CYP21A2: variants seen among roughly 807,000 people sequenced by gnomAD.
CYP21A2 encodes the protein cytochrome P450 family 21 subfamily A member 2.
CYP21A2 carries 24 observed loss-of-function variants against 47.4 expected under a neutral mutation model. The ratio of observed to expected loss-of-function variants is 0.51; its 90% CI spans 0.37 to 0.71. The LOEUF is 0.71. Ranked by LOEUF, CYP21A2 falls within the 30% of genes least tolerant of loss-of-function variation. The pLI, the probability that CYP21A2 is intolerant of heterozygous loss-of-function variation, is 0.00. For missense variants in CYP21A2, 358 were observed against 643.2 expected (o/e 0.56, Z 4.80); for synonymous variants, 130 against 273.9 (o/e 0.47, Z 5.19).
At chr6:32,038,677 G>C (rs578064226) in intron 1 of CYP21A2, 45 bp from the exon 2 acceptor site, 4 of 1,527,198 alleles carry the variant, frequency 2.6e-6, no homozygotes, top group Admixed American at 3.8e-5. Flanking sequence ...CGGAGGTGAC[G>C]GAGAGGGTCC....
Position 32,040,597 on chromosome 6 carries a change from G to T in CYP21A2, c.1118+13G>T, listed in dbSNP as rs530916937. 6.2e-7 allele frequency: 1 copy of T among 1,612,406 alleles called. No individual in the cohort carries two copies. Among genetic ancestry groups the T allele is most frequent in the Non-Finnish European group, 8.5e-7 (1 of 1,179,458 alleles). On this transcript the variant is annotated intron_variant, in intron 8 of 9. Coordinates refer to ENST00000644719, the MANE Select transcript of CYP21A2 (RefSeq NM_000500.9). ...CACGGCCCAGCAGGTGACTCCCGAG[G>T]GTTGGGGATGAGTGAGGAAAGCCCG... is the stretch of plus-strand genomic sequence containing the variant.
chr6:32,039,495 C>G, intron 4 of CYP21A2, 38 bp downstream of exon 4: 1 of 1,571,734 alleles, frequency 6.4e-7, no homozygotes, highest in Non-Finnish European at 8.6e-7. Flanking sequence ...CCAGCCCCTC[C>G]CTGAGCCTCT....
intron 2 of CYP21A2, 110 bp from the exon 3 acceptor site, chr6:32,038,984 G>GC (rs1562755827): frequency 6.6e-6 from 6 of 914,156 alleles, no homozygotes; most frequent in Non-Finnish European, 8.8e-6. Flanking sequence ...GGAAGCTCTT[G>GC]GGGGGGCATA....
rs767421046 is a variant in CYP21A2 at position 32,041,102 on chromosome 6, A to T, written c.1456A>T (p.Met486Leu). 1.6e-5 allele frequency: 25 copies of T among 1,591,550 alleles called. No homozygotes were observed. The East Asian group carries it at 4.7e-4, about 30-fold the overall frequency. ...PFQVRLQPRG[M>L]GAHSPGQSQ ...CCAAGTGCGGCTGCAGCCCCGGGGG[A>T]TGGGGGCCCACAGCCCGGGCCAGAG... Residue 486 changes from methionine to leucine, a missense_variant, in exon 10 of 10, where the codon ATG becomes TTG. By Grantham distance (15) the Met-to-Leu change is conservative. Coordinates refer to ENST00000644719, the MANE Select transcript of CYP21A2 (RefSeq NM_000500.9).
At chr6:32,038,987 G>A in intron 2 of CYP21A2, 107 bp from the exon 3 acceptor site, 2 of 1,545,818 alleles carry the variant, frequency 1.3e-6, no homozygotes, top group Non-Finnish European at 8.7e-7. Context: ...AGCTCTTGGG[G>A]GGGCATATCT....
chr6:32,040,190 G>C lies in CYP21A2; in HGVS notation c.924G>C (p.Leu308Phe). ...ANTLSWAVVF[L>F]LHHPEIQQRL... ...CCCTCTCCTGGGCCGTGGTTTTTTT[G>C]CTTCACCACCCTGAGGTGCGTCCTG... The change falls in exon 7 of 10, where the codon TTG (leucine) becomes TTC (phenylalanine). Residue 308 changes from leucine to phenylalanine, a missense_variant. Transcript: ENST00000644719. 1 of 1,612,628 alleles carries C rather than the reference G, an allele frequency of 6.2e-7. No homozygotes were observed. The highest frequency in any genetic ancestry group is 8.5e-7 in the Non-Finnish European group (1 of 1,179,820).
chr6:32,040,532 C>G lies in CYP21A2; in HGVS notation c.1066C>G (p.Leu356Val). 6.2e-7 allele frequency: 1 copy of G among 1,613,694 alleles called. No individual in the cohort carries two copies. Among genetic ancestry groups the G allele is most frequent in the Non-Finnish European group, 8.5e-7 (1 of 1,179,842 alleles). Residue 356 changes from leucine (L) to valine (V), a missense_variant, in exon 8 of 10, where the codon CTG becomes GTG. Coordinates refer to ENST00000644719, the MANE Select transcript of CYP21A2 (RefSeq NM_000500.9). ...LNATIAEVLR[L>V]RPVVPLALPH... ...TGCCACCATCGCCGAGGTGCTGCGC[C>G]TGCGGCCCGTTGTGCCCTTAGCCTT...
At position 32,039,548 on chromosome 6, in the gene CYP21A2, C is replaced by G. The variant is rs397515531; in HGVS notation, c.552C>G (p.Asp184Glu). 3,267 of 1,580,942 alleles carry G rather than the reference C, an allele frequency of 2.1e-3. 50 individuals carry two copies. Among genetic ancestry groups the G allele is most frequent in the Admixed American group, 5.4e-3 (295 of 54,224 alleles). The change falls in exon 5 of 10, where the codon GAC becomes GAG. Residue 184 changes from aspartate to glutamate, a missense_variant and splice_region_variant. By Grantham distance (45) the Asp-to-Glu change is conservative. Coordinates refer to ENST00000644719, the MANE Select transcript of CYP21A2 (RefSeq NM_000500.9). ...CYLTFGDKIK[D>E]DNLMPAYYKC... ...AGTACTCCCTCCTTTTCTGGCAGGA[C>G]GACAACTTAATGCCTGCCTATTACA...
rs569670804 is a variant in CYP21A2, at chr6:32,039,287, G to A, written c.447+39G>A. 2,156 of 1,571,562 alleles carry A rather than the reference G, an allele frequency of 1.4e-3. 8 individuals are homozygous for A. Among genetic ancestry groups the A allele is most frequent in the African/African-American group, 5.6e-3 (415 of 73,880 alleles). ...CCTGAGGCCACCTCGGGTCAGCCTC[G>A]CCTCTCACAGTAGCCCCCGCCCTGC... On this transcript the variant is annotated intron_variant, in intron 3 of 9. Coordinates refer to ENST00000644719, the MANE Select transcript of CYP21A2 (RefSeq NM_000500.9).
At position 32,039,421 on chromosome 6, in the gene CYP21A2, C is replaced by T; in HGVS notation, c.513C>T (p.Ser171=). Residue 171 remains serine, a synonymous_variant, in exon 4 of 10, where the codon AGC becomes AGT. Coordinates refer to ENST00000644719, the MANE Select transcript of CYP21A2 (RefSeq NM_000500.9). ...IEEEFSLLTC[S]IICYLTFGDK... is the part of the protein sequence containing the mutation. ...AGGAATTCTCTCTCCTCACCTGCAG[C>T]ATCATCTGTTACCTCACCTTCGGAG... The T allele has an allele frequency of 1.9e-6, 3 of 1,613,482 alleles. No individual in the cohort carries two copies. Among genetic ancestry groups the T allele is most frequent in the Non-Finnish European group, 2.5e-6 (3 of 1,179,712 alleles).
In CYP21A2 at chr6:32,038,479, G is replaced by A. The variant is rs1193829834; in HGVS notation, c.57G>A (p.Leu19=). 5.7e-6 allele frequency: 9 copies of A among 1,585,322 alleles called. No individual in the cohort carries two copies. The highest frequency in any genetic ancestry group is 3.4e-5 in the South Asian group (3 of 88,028). The change falls in exon 1 of 10, where the codon CTG becomes CTA. Residue 19 remains leucine, a synonymous_variant. Coordinates refer to ENST00000644719, the MANE Select transcript of CYP21A2 (RefSeq NM_000500.9). Reference sequence around the variant, plus strand: ...CCCTGCTGGCTGGCGCCCGCCTGCTGTGGAACTGGTGGAAGCTCCGGAGCC... The same window carrying A: ...CCCTGCTGGCTGGCGCCCGCCTGCTATGGAACTGGTGGAAGCTCCGGAGCC... ...LLPLLAGARL[L]WNWWKLRSLH...
chr6:32,040,167 C>G lies in CYP21A2; in HGVS notation c.901C>G (p.Leu301Val). 1 of 1,612,896 alleles carries G rather than the reference C, an allele frequency of 6.2e-7. No individual in the cohort carries two copies. The highest frequency in any genetic ancestry group is 8.5e-7 in the Non-Finnish European group (1 of 1,179,876). Residue 301 changes from leucine (L) to valine (V), a missense_variant, in exon 7 of 10, where the codon CTC becomes GTC. Transcript: ENST00000644719. ...TGGCACTGAGACCACAGCAAACACC[C>G]TCTCCTGGGCCGTGGTTTTTTTGCT... ...IGGTETTANT[L>V]SWAVVFLLHH...
chr6:32,041,028 C>T lies in CYP21A2; in HGVS notation c.1382C>T (p.Ser461Phe), dbSNP rs1350737171. Residue 461 changes from serine to phenylalanine, a missense_variant, in exon 10 of 10, where the codon TCC becomes TTC. Coordinates refer to ENST00000644719, the MANE Select transcript of CYP21A2 (RefSeq NM_000500.9). ...TLLPSGDALP[S>F]LQPLPHCSVI... The stretch of plus-strand genomic sequence containing the variant: ...CTGCCCTCCGGGGACGCCCTGCCCT[C>T]CCTGCAGCCCCTGCCCCACTGCAGT... 1 of 1,199,144 alleles carries T rather than the reference C, an allele frequency of 8.3e-7. No individual in the cohort carries two copies. Among genetic ancestry groups the T allele is most frequent in the African/African-American group, 1.4e-5 (1 of 69,890 alleles). 74.3% of individuals were successfully genotyped at this position (1,199,144 alleles called of 1,614,324 possible).
At position 32,040,764 on chromosome 6, in the gene CYP21A2, CT is replaced by C. The variant is rs1355952334; in HGVS notation, c.1216del (p.Trp406GlyfsTer38). On this transcript the variant is annotated frameshift_variant, in exon 9 of 10. Transcript: ENST00000644719. LOFTEE classifies it low-confidence loss of function (END_TRUNC). ...CGGTCTGGGAGAGGCCACATGAGTT[CT>C]GGCCTGGTATGTGGGGGGCCGGGGG... is the stretch of plus-strand genomic sequence containing the variant. ...ETVWERPHEF[W>X]PDRFLEPGKN... The C allele has an allele frequency of 6.2e-7, 1 of 1,602,884 alleles. No homozygotes were observed. The highest frequency in any genetic ancestry group is 8.5e-7 in the Non-Finnish European group (1 of 1,171,446).
Position 32,040,575 on chromosome 6 carries a change from G to C in CYP21A2, c.1109G>C (p.Arg370Pro), listed in dbSNP as rs376421504. 6.2e-7 allele frequency: 1 copy of C among 1,613,356 alleles called. No individual in the cohort carries two copies. The highest frequency in any genetic ancestry group is 8.5e-7 in the Non-Finnish European group (1 of 1,179,790). The change falls in exon 8 of 10, where the codon CGG becomes CCG. Residue 370 changes from arginine to proline, a missense_variant. Transcript: ENST00000644719. ...TTAGCCTTGCCCCACCGCACCACAC[G>C]GCCCAGCAGGTGACTCCCGAGGGTT... ...VPLALPHRTT[R>P]PSSISGYDIP...
Position 32,041,484 on chromosome 6 carries a change from C to T in CYP21A2, c.*350C>T, listed in dbSNP as rs746976357. 6 of 1,149,592 alleles carry T rather than the reference C, an allele frequency of 5.2e-6. 1 individual carries two copies. The highest frequency in any genetic ancestry group is 1.3e-5 in the South Asian group (1 of 76,296). 71.2% of individuals were successfully genotyped at this position (1,149,592 alleles called of 1,614,324 possible). A position where few individuals can be genotyped will look rare whatever the true frequency, so the allele number is the denominator to read the frequency against. ...GGGGTTGTCAAGAGAGAGTCAAAGC[C>T]GGATGTCCCATCTGCTCTTCCCGTT... is the stretch of plus-strand genomic sequence containing the variant. On this transcript the variant is annotated 3_prime_UTR_variant, in exon 10 of 10. Coordinates refer to ENST00000644719, the MANE Select transcript of CYP21A2 (RefSeq NM_000500.9).
intron 2 of CYP21A2, 135 bp downstream of exon 2, chr6:32,038,946 C>CT: frequency 6.7e-7 from 1 of 1,487,100 alleles, no homozygotes; most frequent in Non-Finnish European, 9.2e-7. Flanking sequence ...TGTGAGCCAC[C>CT]TTTGGGGCAT....
At position 32,041,506 on chromosome 6, in the gene CYP21A2, C is replaced by G. The variant is rs192857045; in HGVS notation, c.*372C>G. ...AGCCGGATGTCCCATCTGCTCTTCCCGTTCCCCTTAAGGAGGTAGCTCCCA... is the reference window on the plus strand; with the variant it reads ...AGCCGGATGTCCCATCTGCTCTTCCGGTTCCCCTTAAGGAGGTAGCTCCCA... On this transcript the variant is annotated 3_prime_UTR_variant, in exon 10 of 10. Coordinates refer to ENST00000644719, the MANE Select transcript of CYP21A2 (RefSeq NM_000500.9). 1.4e-5 allele frequency: 17 copies of G among 1,240,324 alleles called. No individual in the cohort carries two copies. The highest frequency in any genetic ancestry group is 1.6e-5 in the Non-Finnish European group (14 of 871,208). 76.8% of individuals were successfully genotyped at this position (1,240,324 alleles called of 1,614,324 possible). A position where few individuals can be genotyped will look rare whatever the true frequency, so the allele number is the denominator to read the frequency against.
At chr6:32,039,003 G>T (rs1051507539) in intron 2 of CYP21A2, 91 bp from the exon 3 acceptor site, 126 of 1,550,188 alleles carry the variant, frequency 8.1e-5, no homozygotes, top group Non-Finnish European at 1.0e-4. Flanking sequence ...TATCTGGTGG[G>T]GAGAAAGCAG....
Sources: allele counts gnomAD v4.1 joint callset, GRCh38; gene constraint gnomAD v4.1.1; transcripts MANE v1.5; gene names NCBI Gene and HGNC (gene_info 2026-07-23, HGNC 2026-07-21).